SLC39A14: variants seen among roughly 807,000 people sequenced by gnomAD.
The protein encoded by SLC39A14 is solute carrier family 39 member 14, also known as metal cation symporter ZIP14.
A neutral mutation model predicts 45.5 loss-of-function variants in SLC39A14; 19 were observed. The observed-to-expected ratio is 0.42, with a 90% CI of 0.29 to 0.61. The LOEUF (loss-of-function observed/expected upper bound fraction) is 0.61, where lower values mean the gene tolerates loss of function less well. Ranked by LOEUF, SLC39A14 falls within the 20% of genes least tolerant of loss-of-function variation. The pLI is 0.22. For synonymous variants in SLC39A14, 264 were observed against 251.3 expected (o/e 1.05, Z -0.48); for missense variants, 447 against 616.5 (o/e 0.73, Z 2.91).
chr8:22,425,551 T>G (rs1176650589), downstream of SLC39A14, among the ~76,000 whole-genome samples: 1 of 148,810 alleles, frequency 6.7e-6, no homozygotes, highest in Non-Finnish European at 1.5e-5. Flanking sequence ...TTTTTTTTAA[T>G]AGTGGAAAAA....
intron 1 of SLC39A14, chr8:22,390,172 A>C (rs933514510): frequency 5.9e-6 from 1 of 168,136 alleles, no homozygotes; most frequent in African/African-American, 2.4e-5. Flanking sequence ...TGCCATGGTA[A>C]CATCTGTGGG....
rs998225147 is a variant in SLC39A14 at position 22,421,842 on chromosome 8, T to C, written c.*2144T>C. 8 of 985,404 alleles carry C rather than the reference T, an allele frequency of 8.1e-6. No homozygotes were observed. Among genetic ancestry groups the C allele is most frequent in the East Asian group, 1.1e-4 (1 of 8,824 alleles). 61.0% of individuals were successfully genotyped at this position (985,404 alleles called of 1,614,324 possible). On this transcript the variant is annotated 3_prime_UTR_variant, in exon 9 of 9. Coordinates refer to ENST00000381237, the MANE Select transcript of SLC39A14 (RefSeq NM_001128431.4). The stretch of plus-strand genomic sequence containing the variant: ...GCTCAAAACTATAATCTTTAACAAA[T>C]TGAAAAATGAAATAGGGTGTTTTCC...
intron 1 of SLC39A14, among the ~76,000 whole-genome samples, chr8:22,370,233 T>C (rs1457801174): frequency 2.0e-5 from 3 of 152,162 alleles, no homozygotes; most frequent in Non-Finnish European, 1.5e-5. Flanking sequence ...GTTCTGTTTT[T>C]AAACCCTGCT....
At position 22,420,451 on chromosome 8, in the gene SLC39A14, G is replaced by A. The variant is rs940397545; in HGVS notation, c.*753G>A. ...CCTGGACCTCCTCTTTCAGGTTAAC[G>A]CTGACAGAATGGAGGCTCAGGCTGT... On this transcript the variant is annotated 3_prime_UTR_variant, in exon 9 of 9. Transcript: ENST00000381237. 1.2e-5 allele frequency: 12 copies of A among 985,310 alleles called. No homozygotes were observed. Among genetic ancestry groups the A allele is most frequent in the East Asian group, 1.1e-4 (1 of 8,830 alleles). 61.0% of individuals were successfully genotyped at this position (985,310 alleles called of 1,614,324 possible).
chr8:22,393,082 C>T (rs1017789634), intron 1 of SLC39A14: 4 of 264,418 alleles, frequency 1.5e-5, no homozygotes, highest in African/African-American at 2.3e-5. Flanking sequence ...CCCATCAGCG[C>T]GAGGTTTCAC....
At chr8:22,385,613 A>G (rs1833750753) in intron 1 of SLC39A14, among the ~76,000 whole-genome samples, 1 of 152,210 alleles carries the variant, frequency 6.6e-6, no homozygotes, top group African/African-American at 2.4e-5. Context: ...GCTGGAGCCC[A>G]GTGAGTGAGA....
At chr8:22,387,445 G>A (rs1833850542) in intron 1 of SLC39A14, among the ~76,000 whole-genome samples, 1 of 152,202 alleles carries the variant, frequency 6.6e-6, no homozygotes, top group African/African-American at 2.4e-5. Context: ...AAGCCTTTAA[G>A]TCTGGTTAGA....
intron 8 of SLC39A14, among the ~76,000 whole-genome samples, chr8:22,419,223 T>TCA (rs1836073564): frequency 6.6e-6 from 1 of 152,124 alleles, no homozygotes; most frequent in Non-Finnish European, 1.5e-5. Context: ...CTCGCTCTGT[T>TCA]GCCCAGGCGG....
chr8:22,415,677 C>A, intron 5 of SLC39A14, 92 bp from the exon 6 acceptor site: 2 of 1,194,512 alleles, frequency 1.7e-6, no homozygotes, highest in Non-Finnish European at 1.2e-6. Flanking sequence ...CTGAGGTCTT[C>A]CAGTGTGTGA....
chr8:22,414,751 A>G, intron 4 of SLC39A14, 29 bp from the exon 5 acceptor site: 3 of 1,582,032 alleles, frequency 1.9e-6, no homozygotes, highest in Non-Finnish European at 2.6e-6. Flanking sequence ...ATTTTCTTTA[A>G]AACTCATTTT....
chr8:22,423,606 A>G (rs1836326766), downstream of SLC39A14, among the ~76,000 whole-genome samples: 1 of 152,038 alleles, frequency 6.6e-6, no homozygotes, highest in Non-Finnish European at 1.5e-5. Flanking sequence ...AAGTGCTGGG[A>G]TTACAGGCGT....
chr8:22,419,611 A>G lies in SLC39A14; in HGVS notation c.1392A>G (p.Pro464=). 6.2e-7 allele frequency: 1 copy of G among 1,614,168 alleles called. No homozygotes were observed. The highest frequency in any genetic ancestry group is 8.5e-7 in the Non-Finnish European group (1 of 1,180,028). The change falls in exon 9 of 9, where the codon CCA becomes CCG. Residue 464 remains proline (P), a synonymous_variant. Coordinates refer to ENST00000381237, the MANE Select transcript of SLC39A14 (RefSeq NM_001128431.4). ...EDERKGSILI[P]FIIQNLGLLT... is the part of the protein sequence containing the mutation. ...AAAGGAAGGGCAGCATCTTGATTCC[A>G]TTTATCATCCAGAACCTGGGCCTCC... is the stretch of plus-strand genomic sequence containing the variant.
chr8:22,408,247 G>A lies in SLC39A14; in HGVS notation c.271-63G>A, dbSNP rs530620768. ...CTCTGGGAAGGCTGAGTAGGTTGCT[G>A]TTTAGCAGGGCAAGGCCTGACCTTT... On this transcript the variant is annotated intron_variant, in intron 2 of 8. Coordinates refer to ENST00000381237, the MANE Select transcript of SLC39A14 (RefSeq NM_001128431.4). 70 of 1,482,972 alleles carry A rather than the reference G, an allele frequency of 4.7e-5. No individual in the cohort carries two copies. In the East Asian group the frequency reaches 7.1e-4, roughly 15 times the overall value. The allele number at this position is 1,482,972 out of a possible 1,614,324, so 91.9% of individuals were successfully genotyped here. A position where few individuals can be genotyped will look rare whatever the true frequency, so the allele number is the denominator to read the frequency against.
chr8:22,412,412 G>A (rs901962248), intron 4 of SLC39A14, among the ~76,000 whole-genome samples: 5 of 152,202 alleles, frequency 3.3e-5, no homozygotes, highest in Non-Finnish European at 5.9e-5. Flanking sequence ...AGTAGGTTCC[G>A]TAACCCCAGG....
At chr8:22,427,727 A>T (rs539745892), downstream of SLC39A14, among the ~76,000 whole-genome samples, 1 of 152,360 alleles carries the variant, frequency 6.6e-6, no homozygotes, top group South Asian at 2.1e-4. Flanking sequence ...ATATTGTAGG[A>T]TTCTTTCCCC....
intron 1 of SLC39A14, among the ~76,000 whole-genome samples, chr8:22,386,108 T>C (rs1833777204): frequency 6.7e-6 from 1 of 149,850 alleles, no homozygotes; most frequent in Admixed American, 6.7e-5. Flanking sequence ...CCTGGCTAAT[T>C]TTTTGTATTT....
In SLC39A14 at chr8:22,408,355, C is replaced by A. The variant is rs995913384; in HGVS notation, c.316C>A (p.Gln106Lys). The change falls in exon 3 of 9, where the codon CAG (glutamine) becomes AAG (lysine). Residue 106 changes from glutamine (Q) to lysine (K), a missense_variant. Transcript: ENST00000381237. ...DLFTAHNFSEQSRIGSSELQE... is the reference protein window; with the variant it reads ...DLFTAHNFSEKSRIGSSELQE... ...CTTCACTGCCCACAATTTCAGCGAG[C>A]AGTCGCGGATTGGGAGCAGCGAGCT... is the stretch of plus-strand genomic sequence containing the variant. The A allele has an allele frequency of 1.2e-6, 2 of 1,614,088 alleles. No individual in the cohort carries two copies. The highest frequency in any genetic ancestry group is 8.5e-7 in the Non-Finnish European group (1 of 1,180,046).
chr8:22,421,620 G>C lies in SLC39A14; in HGVS notation c.*1922G>C. 6 of 985,772 alleles carry C rather than the reference G, an allele frequency of 6.1e-6. No individual in the cohort carries two copies. The highest frequency in any genetic ancestry group is 7.2e-6 in the Non-Finnish European group (6 of 829,906). The allele number at this position is 985,772 out of a possible 1,614,324, so 61.1% of individuals were successfully genotyped here. A position where few individuals can be genotyped will look rare whatever the true frequency, so the allele number is the denominator to read the frequency against. ...GTCTTTTCTGTTTTATTTTTCTCAA[G>C]CTGCTTTCAGGAGCTAGCAGAAAAT... On this transcript the variant is annotated 3_prime_UTR_variant, in exon 9 of 9. Transcript: ENST00000381237.
chr8:22,424,791 C>G (rs1003304618), downstream of SLC39A14, among the ~76,000 whole-genome samples: 1 of 152,100 alleles, frequency 6.6e-6, no homozygotes, highest in Non-Finnish European at 1.5e-5. Context: ...CTTTAGGAGG[C>G]CAAGGCAGGT....
Sources: allele counts gnomAD v4.1 joint callset (sites outside exome capture counted in the v4.1 genomes callset), GRCh38; gene constraint gnomAD v4.1.1; transcripts MANE v1.5; gene names NCBI Gene and HGNC (gene_info 2026-07-23, HGNC 2026-07-21).